FSTL4: variants seen among roughly 807,000 people sequenced by gnomAD.
The protein encoded by FSTL4 is follistatin-related protein 4.
A neutral mutation model predicts 78.2 loss-of-function variants in FSTL4; 28 were observed. That is an observed-to-expected ratio of 0.36 (90% CI 0.27 to 0.49). FSTL4 has a LOEUF of 0.49. Ranked by LOEUF, FSTL4 falls within the 20% of genes least tolerant of loss-of-function variation. The pLI, the probability that FSTL4 is intolerant of heterozygous loss-of-function variation, is 0.98. For synonymous variants in FSTL4, 422 were observed against 440.5 expected (o/e 0.96, Z 0.53); for missense variants, 922 against 1,084.9 (o/e 0.85, Z 2.11).
chr5:133,335,341 G>T (rs972931836), intron 4 of FSTL4, among the ~76,000 whole-genome samples: 1 of 152,154 alleles, frequency 6.6e-6, no homozygotes, highest in Non-Finnish European at 1.5e-5. Flanking sequence ...GCTTCTCAAG[G>T]GTTTGAGGAC....
intron 6 of FSTL4, among the ~76,000 whole-genome samples, chr5:133,298,121 T>G (rs1476919297): frequency 6.6e-6 from 1 of 152,254 alleles, no homozygotes; most frequent in Non-Finnish European, 1.5e-5. Context: ...GGCAAGTTAC[T>G]CTAGCATGGT....
chr5:133,621,375 A>G, the FSTL4 span, among the ~76,000 whole-genome samples: 2 of 152,188 alleles, frequency 1.3e-5, no homozygotes, highest in African/African-American at 2.4e-5. Context: ...ACTCCAGCCT[A>G]GGCAACAGAG....
chr5:133,480,326 G>C (rs1758002457), intron 3 of FSTL4, among the ~76,000 whole-genome samples: 1 of 152,234 alleles, frequency 6.6e-6, no homozygotes, highest in Admixed American at 6.5e-5. Flanking sequence ...TGTACCTGGT[G>C]CAGAATAAGC....
chr5:133,217,468 C>A, intron 12 of FSTL4, 90 bp from the exon 13 acceptor site: 1 of 1,206,292 alleles, frequency 8.3e-7, no homozygotes, highest in Non-Finnish European at 1.2e-6. Context: ...CTCCTCTGTG[C>A]CTTTCTTCCT....
At chr5:133,700,313 A>C in the FSTL4 span, among the ~76,000 whole-genome samples, 4 of 150,284 alleles carry the variant, frequency 2.7e-5, no homozygotes, top group African/African-American at 9.9e-5. Flanking sequence ...CCAAAACATC[A>C]CACCAAAACA....
intron 8 of FSTL4, among the ~76,000 whole-genome samples, chr5:133,229,810 C>G (rs1364426301): frequency 6.6e-6 from 1 of 152,144 alleles, no homozygotes; most frequent in Middle Eastern, 3.2e-3. Context: ...AAATGCCAGC[C>G]AAGTGTCAGG....
At chr5:133,381,697 T>A (rs1755576828) in intron 4 of FSTL4, among the ~76,000 whole-genome samples, 1 of 152,224 alleles carries the variant, frequency 6.6e-6, no homozygotes, top group Non-Finnish European at 1.5e-5. Context: ...CCATACGTCA[T>A]AATAGAAAAT....
intron 6 of FSTL4, among the ~76,000 whole-genome samples, chr5:133,301,396 A>C (rs569238662): frequency 2.6e-5 from 4 of 152,268 alleles, no homozygotes; most frequent in Admixed American, 1.3e-4. Context: ...CGTGGTGAGC[A>C]CGCAGCCTGC....
chr5:133,796,015 T>C, the FSTL4 span, among the ~76,000 whole-genome samples: 75 of 152,314 alleles, frequency 4.9e-4, no homozygotes, highest in Admixed American at 4.8e-3. Flanking sequence ...TTTTCTCCCC[T>C]GGTCACTAGT....
intron 6 of FSTL4, among the ~76,000 whole-genome samples, chr5:133,291,139 G>A (rs190244640): frequency 4.9e-4 from 74 of 152,350 alleles, no homozygotes; most frequent in Non-Finnish European, 8.8e-4. Context: ...AAAGTATGTT[G>A]GTGAGACAGG....
intron 7 of FSTL4, chr5:133,248,441 C>T (rs1189271101): frequency 1.3e-5 from 2 of 152,212 alleles, no homozygotes; most frequent in Non-Finnish European, 2.9e-5. Context: ...AACCTAAGAC[C>T]CGTCAGCTGT....
At chr5:133,641,200 C>T in the FSTL4 span, among the ~76,000 whole-genome samples, 1 of 152,048 alleles carries the variant, frequency 6.6e-6, no homozygotes, top group South Asian at 2.1e-4. Context: ...CACAAAGACC[C>T]AACCATATAG....
intron 3 of FSTL4, among the ~76,000 whole-genome samples, chr5:133,407,756 AG>A (rs2126977178): frequency 6.6e-6 from 1 of 152,322 alleles, no homozygotes; most frequent in South Asian, 2.1e-4. Flanking sequence ...CGGCTTTTGG[AG>A]GTGGTTATTT....
At chr5:133,752,953 AAG>A in the FSTL4 span, among the ~76,000 whole-genome samples, 6 of 152,252 alleles carry the variant, frequency 3.9e-5, no homozygotes, top group African/African-American at 1.4e-4. Flanking sequence ...CAAGAAAGAA[AAG>A]AAAAAACAAG....
At chr5:133,374,238 A>T (rs1755381260) in intron 4 of FSTL4, among the ~76,000 whole-genome samples, 3 of 152,204 alleles carry the variant, frequency 2.0e-5, no homozygotes, top group Admixed American at 2.0e-4. Flanking sequence ...TAGATGTGCA[A>T]CTTTCTCCTA....
At chr5:133,260,077 C>T (rs1752482210) in intron 6 of FSTL4, among the ~76,000 whole-genome samples, 1 of 152,222 alleles carries the variant, frequency 6.6e-6, no homozygotes, top group Admixed American at 6.5e-5. Context: ...TACTAAAAAC[C>T]CTCCTCCAAG....
At chr5:133,442,611 T>A (rs27702) in intron 3 of FSTL4, among the ~76,000 whole-genome samples, 55,686 of 152,096 alleles carry the variant, frequency 0.37, 12,022 homozygotes, top group African/African-American at 0.61. Context: ...TTTAGTTTTT[T>A]AAAAATGCTC....
chr5:133,521,117 C>A (rs1019456033), intron 3 of FSTL4, among the ~76,000 whole-genome samples: 2 of 152,090 alleles, frequency 1.3e-5, no homozygotes, highest in Non-Finnish European at 2.9e-5. Context: ...GCAAAATGAC[C>A]CCAGCCCCAC....
the FSTL4 span, among the ~76,000 whole-genome samples, chr5:133,728,494 T>C: frequency 6.6e-6 from 1 of 152,250 alleles, no homozygotes; most frequent in Non-Finnish European, 1.5e-5. Context: ...CCTTTATCAC[T>C]GGAAGCTGGA....
Sources: gnomAD v4.1 joint callset for allele counts (sites outside exome capture counted in the v4.1 genomes callset) on GRCh38, gnomAD v4.1.1 for gene constraint, MANE v1.5 for transcripts, NCBI Gene and HGNC (gene_info 2026-07-23, HGNC 2026-07-21) for gene names.